Variants in AKT3 observed in about 807,000 individuals in gnomAD.
AKT3 encodes the protein RAC-gamma serine/threonine-protein kinase.
A neutral mutation model predicts 65.3 loss-of-function variants in AKT3; 15 were observed. That is an observed-to-expected ratio of 0.23 (90% CI 0.15 to 0.35). The LOEUF (loss-of-function observed/expected upper bound fraction) is 0.35, where lower values mean the gene tolerates loss of function less well. Ranked by LOEUF, AKT3 falls within the 10% of genes least tolerant of loss-of-function variation. AKT3 has a pLI of 1.00. For synonymous variants in AKT3, 206 were observed against 183.8 expected, an observed-to-expected ratio of 1.12 and a Z score of -0.98; for missense variants, 243 against 576.5, an observed-to-expected ratio of 0.42 and a Z score of 5.92.
chr1:243,660,162 G>C (rs1682183920), intron 4 of AKT3, among the ~76,000 whole-genome samples: 1 of 151,978 alleles, frequency 6.6e-6, no homozygotes, highest in Non-Finnish European at 1.5e-5. Context: ...TTCAGCTCCT[G>C]TTATTGGTCT....
chr1:243,659,409 T>C (rs186942353), intron 4 of AKT3, among the ~76,000 whole-genome samples: 202 of 152,294 alleles, frequency 1.3e-3, no homozygotes, highest in Middle Eastern at 0.01. Context: ...GATTTCACAT[T>C]ATGTAATTTT....
chr1:243,597,501 G>GTT (rs771114426), intron 8 of AKT3, among the ~76,000 whole-genome samples: 2 of 151,066 alleles, frequency 1.3e-5, no homozygotes, highest in Non-Finnish European at 3.0e-5. Context: ...ATGCATTTTT[G>GTT]TTTTGTTTTG....
At chr1:243,744,667 A>G (rs1414569755) in intron 2 of AKT3, among the ~76,000 whole-genome samples, 1 of 143,290 alleles carries the variant, frequency 7.0e-6, no homozygotes, top group African/African-American at 2.6e-5. Context: ...TGAACCCGGG[A>G]GGCGGAGCTT....
intron 2 of AKT3, among the ~76,000 whole-genome samples, chr1:243,705,641 A>G (rs320340): frequency 0.047 from 7,169 of 152,246 alleles, 573 homozygotes; most frequent in African/African-American, 0.16. Flanking sequence ...CATTGGGTGG[A>G]GACACAGAGA....
At chr1:243,800,517 A>G (rs577413495) in intron 2 of AKT3, among the ~76,000 whole-genome samples, 1 of 152,328 alleles carries the variant, frequency 6.6e-6, no homozygotes, top group East Asian at 1.9e-4. Context: ...CAAGAGATCA[A>G]GACCATCCTG....
chr1:243,796,821 C>A (rs1391029504), intron 2 of AKT3, among the ~76,000 whole-genome samples: 1 of 152,098 alleles, frequency 6.6e-6, no homozygotes, highest in Non-Finnish European at 1.5e-5. Context: ...GAGATGCGGA[C>A]ATGTGCCACA....
intron 3 of AKT3, among the ~76,000 whole-genome samples, chr1:243,675,490 T>G (rs1349969379): frequency 1.3e-5 from 2 of 152,202 alleles, no homozygotes; most frequent in Non-Finnish European, 2.9e-5. Flanking sequence ...CGTGAGCCAC[T>G]ACATCCAGCC....
intron 2 of AKT3, among the ~76,000 whole-genome samples, chr1:243,797,610 G>T (rs868389372): frequency 1.2e-4 from 18 of 152,186 alleles, no homozygotes; most frequent in Middle Eastern, 3.4e-3. Flanking sequence ...TGACACAAAT[G>T]ACCTTTAAAA....
chr1:243,648,179 A>G (rs1274085828), intron 4 of AKT3, among the ~76,000 whole-genome samples: 3 of 151,920 alleles, frequency 2.0e-5, no homozygotes, highest in Non-Finnish European at 4.4e-5. Context: ...AATCACTTGA[A>G]CCCAGGAAAT....
At chr1:243,518,400 T>C (rs551540602) in intron 12 of AKT3, among the ~76,000 whole-genome samples, 35 of 152,212 alleles carry the variant, frequency 2.3e-4, no homozygotes, top group Middle Eastern at 3.4e-3. Flanking sequence ...TTTGGGAGTC[T>C]GAGGCAGGCA....
At chr1:243,845,588 C>CAAAAAAAAAAAAAAAAAAAAAAA (rs10648820) in intron 1 of AKT3, among the ~76,000 whole-genome samples, 2 of 79,368 alleles carry the variant, frequency 2.5e-5, no homozygotes, top group Admixed American at 1.6e-4. Context: ...GAACCTGTCT[C>CAAAAAAAAAAAAAAAAAAAAAAA]AAAAAAAAAA....
intron 2 of AKT3, among the ~76,000 whole-genome samples, chr1:243,771,266 T>A (rs1387966589): frequency 1.3e-5 from 2 of 152,148 alleles, no homozygotes; most frequent in Non-Finnish European, 2.9e-5. Context: ...TCCATTACTA[T>A]GATTATTAGA....
intron 8 of AKT3, among the ~76,000 whole-genome samples, chr1:243,603,955 G>T (rs1190850125): frequency 1.7e-4 from 25 of 149,866 alleles, no homozygotes; most frequent in Admixed American, 1.6e-3. Flanking sequence ...GAGCACAATG[G>T]TGCAATCTAG....
intron 2 of AKT3, among the ~76,000 whole-genome samples, chr1:243,707,706 C>A (rs1685890191): frequency 6.6e-6 from 1 of 151,990 alleles, no homozygotes; most frequent in South Asian, 2.1e-4. Flanking sequence ...TCAGGCCTTC[C>A]CCACTCTTCC....
chr1:243,750,707 G>A (rs897881216), intron 2 of AKT3, among the ~76,000 whole-genome samples: 19 of 150,728 alleles, frequency 1.3e-4, no homozygotes, highest in East Asian at 9.7e-4. Context: ...TCAGCTTCTC[G>A]AGTAGCTGGG....
chr1:243,800,206 G>A (rs770380582), intron 2 of AKT3, among the ~76,000 whole-genome samples: 8 of 152,112 alleles, frequency 5.3e-5, no homozygotes, highest in Non-Finnish European at 1.2e-4. Flanking sequence ...TACTTGCTAG[G>A]TGTACAACCT....
At chr1:243,494,893 T>A (rs1336610377), downstream of AKT3, among the ~76,000 whole-genome samples, 1 of 152,218 alleles carries the variant, frequency 6.6e-6, no homozygotes, top group South Asian at 2.1e-4. Flanking sequence ...AGACTGTAAT[T>A]CCGTCACATT....
intron 3 of AKT3, among the ~76,000 whole-genome samples, chr1:243,670,056 T>C (rs756792724): frequency 3.3e-5 from 5 of 152,222 alleles, no homozygotes; most frequent in Non-Finnish European, 7.3e-5. Context: ...CTGATCATTC[T>C]ACCCATGTAA....
intron 2 of AKT3, among the ~76,000 whole-genome samples, chr1:243,726,717 G>A (rs914158917): frequency 6.6e-6 from 1 of 152,116 alleles, no homozygotes. Flanking sequence ...GCTGAAAATG[G>A]GTCAGAATGC....
Sources: allele counts gnomAD v4.1 joint callset (sites outside exome capture counted in the v4.1 genomes callset), GRCh38; gene constraint gnomAD v4.1.1; transcripts MANE v1.5; gene names NCBI Gene and HGNC (gene_info 2026-07-23, HGNC 2026-07-21).